The following KDM2A variants were observed in gnomAD, a reference collection of about 807,000 sequenced individuals.
KDM2A encodes the protein lysine demethylase 2A.
Under a neutral mutation model 137.3 loss-of-function variants are expected in KDM2A, and 3 were observed. The ratio of observed to expected loss-of-function variants is 0.02; its 90% CI spans 0.01 to 0.06. The LOEUF is 0.06. KDM2A is among the 10% of genes least tolerant of loss of function. The pLI, the probability that KDM2A is intolerant of heterozygous loss-of-function variation, is 1.00. For synonymous variants in KDM2A, 512 were observed against 541.5 expected (o/e 0.95, Z 0.76); for missense variants, 738 against 1,510.6 (o/e 0.49, Z 8.48).
chr11:67,240,937 C>T (rs1431440128), intron 12 of KDM2A, among the ~76,000 whole-genome samples: 5 of 152,216 alleles, frequency 3.3e-5, no homozygotes, highest in African/African-American at 7.2e-5. Flanking sequence ...CACACACACA[C>T]CGACACAGTT....
intron 12 of KDM2A, among the ~76,000 whole-genome samples, chr11:67,240,709 C>T (rs754890883): frequency 5.3e-5 from 8 of 152,198 alleles, no homozygotes; most frequent in Non-Finnish European, 1.2e-4. Flanking sequence ...ACTCCACCCC[C>T]GCTCTCCTAT....
chr11:67,245,233 C>G lies in KDM2A; in HGVS notation c.1608C>G (p.Pro536=). The G allele has an allele frequency of 6.2e-7, 1 of 1,614,014 alleles. No individual in the cohort carries two copies. The highest frequency in any genetic ancestry group is 8.5e-7 in the Non-Finnish European group (1 of 1,179,894). ...TRPKVRVPTI[P]ITKPHTMKPA... ...CAAAGGTGCGGGTTCCTACCATCCC[C>G]ATTACGAAGCCTCACACTATGAAAC... The change falls in exon 14 of 21, where the codon CCC becomes CCG. Residue 536 remains proline (P), a synonymous_variant. Coordinates refer to ENST00000529006, the MANE Select transcript of KDM2A (RefSeq NM_012308.3). This position sits in a 1 kb window ranked among gnomAD's most constrained non-coding sequence, Gnocchi z 4.1.
Position 67,254,137 on chromosome 11 carries a change from C to G in KDM2A, c.3092-66C>G, listed in dbSNP as rs1859526135. ...CTGGCCAGCAAGTAGCTGTTGCTGC[C>G]TGGAGCCTTGAAGCTGGATTAGAGA... On this transcript the variant is annotated intron_variant, in intron 19 of 20. Transcript: ENST00000529006. The surrounding 1 kb of genome is among the most constrained non-coding windows in gnomAD (Gnocchi z 4.7). The G allele has an allele frequency of 1.5e-5, 22 of 1,454,336 alleles. No individual in the cohort carries two copies. Among genetic ancestry groups the G allele is most frequent in the Non-Finnish European group, 2.0e-5 (21 of 1,062,896 alleles). 90.1% of individuals were successfully genotyped at this position (1,454,336 alleles called of 1,614,324 possible).
At chr11:67,126,003 C>A (rs12420479) in intron 2 of KDM2A, among the ~76,000 whole-genome samples, 1 of 146,728 alleles carries the variant, frequency 6.8e-6, no homozygotes, top group African/African-American at 2.5e-5. Flanking sequence ...CCCAGCACTT[C>A]GGGAGGCTGA....
chr11:67,141,665 CAA>C (rs1191493058), intron 2 of KDM2A, among the ~76,000 whole-genome samples: 237 of 63,354 alleles, frequency 3.7e-3, no homozygotes, highest in Middle Eastern at 8.8e-3. Context: ...AGACTCGTTC[CAA>C]AAAAAAAAAA....
intron 2 of KDM2A, among the ~76,000 whole-genome samples, chr11:67,178,976 A>G (rs938637524): frequency 5.9e-5 from 9 of 152,168 alleles, no homozygotes; most frequent in African/African-American, 2.2e-4. Context: ...AAACTTTCAA[A>G]CTGTTTACCA....
At chr11:67,248,177 G>A (rs1288988101) in intron 15 of KDM2A, 104 bp from the exon 16 acceptor site, 2 of 831,366 alleles carry the variant, frequency 2.4e-6, no homozygotes, top group Non-Finnish European at 3.9e-6. Context: ...CTCCCTTTAT[G>A]GACCAATGTT....
intron 2 of KDM2A, among the ~76,000 whole-genome samples, chr11:67,178,454 T>G (rs2136332883): frequency 6.6e-6 from 1 of 152,230 alleles, no homozygotes; most frequent in East Asian, 1.9e-4. Context: ...TTTTAGTATA[T>G]TCACAGGGTC....
At chr11:67,164,902 A>C (rs1032692368) in intron 2 of KDM2A, among the ~76,000 whole-genome samples, 46 of 151,756 alleles carry the variant, frequency 3.0e-4, no homozygotes, top group African/African-American at 1.1e-3. Context: ...CTGGCCTGCT[A>C]TTGTACTTTT....
chr11:67,226,211 C>T (rs942793901), intron 10 of KDM2A, among the ~76,000 whole-genome samples: 38 of 151,732 alleles, frequency 2.5e-4, no homozygotes, highest in Admixed American at 1.5e-3. Context: ...GAGCCGAGAT[C>T]CCACCACTGC....
chr11:67,193,886 T>G (rs1027198677), intron 5 of KDM2A, among the ~76,000 whole-genome samples: 12 of 152,080 alleles, frequency 7.9e-5, no homozygotes, highest in African/African-American at 2.4e-4. Flanking sequence ...ACATACGTAT[T>G]TATTGAGACA....
chr11:67,182,536 T>G (rs1482525638), intron 5 of KDM2A, among the ~76,000 whole-genome samples: 3 of 148,706 alleles, frequency 2.0e-5, no homozygotes, highest in Non-Finnish European at 4.5e-5. Context: ...AAGTCTTTTT[T>G]TTTTTTTTTT....
intron 2 of KDM2A, among the ~76,000 whole-genome samples, chr11:67,123,158 T>C (rs1855637673): frequency 6.6e-6 from 1 of 151,712 alleles, no homozygotes; most frequent in Non-Finnish European, 1.5e-5. Context: ...TTTTTTTTCT[T>C]AGTGACGGGG....
chr11:67,132,631 G>A (rs995821425), intron 2 of KDM2A, among the ~76,000 whole-genome samples: 2 of 152,152 alleles, frequency 1.3e-5, no homozygotes, highest in East Asian at 1.9e-4. Context: ...GTGGCATTTT[G>A]GGAGTAATGT....
rs1218714960 is a variant in KDM2A, at chr11:67,181,366, G to A, written c.228G>A (p.Leu76=). Residue 76 remains leucine (L), a synonymous_variant, in exon 4 of 21, where the codon CTG becomes CTA. Coordinates refer to ENST00000529006, the MANE Select transcript of KDM2A (RefSeq NM_012308.3). Reference sequence around the variant, plus strand: ...AGCGGGGTGGCTTGAGAGATCCTCTGATTTTCAAGAATTCTGATGGACTCG... The same window carrying A: ...AGCGGGGTGGCTTGAGAGATCCTCTAATTTTCAAGAATTCTGATGGACTCG... ...YIQRGGLRDP[L]IFKNSDGLGI... is the part of the protein sequence containing the mutation. 6.2e-7 allele frequency: 1 copy of A among 1,612,230 alleles called. No individual in the cohort carries two copies. Among genetic ancestry groups the A allele is most frequent in the Non-Finnish European group, 8.5e-7 (1 of 1,178,948 alleles).
intron 2 of KDM2A, among the ~76,000 whole-genome samples, chr11:67,122,551 C>T (rs1394641765): frequency 1.3e-5 from 2 of 152,124 alleles, no homozygotes; most frequent in East Asian, 3.9e-4. Flanking sequence ...TGATCTCGAT[C>T]TGACCTCATG....
intron 2 of KDM2A, among the ~76,000 whole-genome samples, chr11:67,146,961 G>A (rs1590721759): frequency 6.6e-6 from 1 of 152,114 alleles, no homozygotes; most frequent in Non-Finnish European, 1.5e-5. Context: ...TCATGTTAAT[G>A]TTTGAAATTC....
intron 6 of KDM2A, among the ~76,000 whole-genome samples, chr11:67,208,397 G>A (rs1259469660): frequency 6.6e-6 from 1 of 151,742 alleles, no homozygotes; most frequent in Admixed American, 6.6e-5. Context: ...TTTTATATAG[G>A]GCAGGATTAT....
At chr11:67,200,218 T>G (rs985474574) in intron 5 of KDM2A, among the ~76,000 whole-genome samples, 2 of 145,134 alleles carry the variant, frequency 1.4e-5, no homozygotes, top group African/African-American at 2.5e-5. Flanking sequence ...GTTTGTGTGG[T>G]TTTTTTTTTT....
Sources: allele counts gnomAD v4.1 joint callset (sites outside exome capture counted in the v4.1 genomes callset), GRCh38; gene constraint gnomAD v4.1.1; non-coding constraint Gnocchi (gnomAD v3.1); transcripts MANE v1.5; gene names NCBI Gene and HGNC (gene_info 2026-07-23, HGNC 2026-07-21).